Variants in TJAP1 observed in about 807,000 individuals in gnomAD.
TJAP1 encodes the protein tight junction-associated protein 1.
TJAP1 carries 27 observed loss-of-function variants against 42.0 expected under a neutral mutation model. The observed-to-expected ratio is 0.64, with a 90% CI of 0.47 to 0.89. The LOEUF is 0.89. Ranked by LOEUF, TJAP1 falls within the 40% of genes least tolerant of loss-of-function variation. The probability of loss-of-function intolerance (pLI) is 0.00; values close to 1 mark genes in which losing one functional copy is unlikely to be tolerated. For missense variants in TJAP1, 712 were observed against 726.9 expected, an observed-to-expected ratio of 0.98 and a Z score of 0.24; for synonymous variants, 257 against 288.4, an observed-to-expected ratio of 0.89 and a Z score of 1.10.
chr6:43,496,868 T>TG (rs1367898395), intron 2 of TJAP1: 1 of 152,196 alleles, frequency 6.6e-6, no homozygotes. Flanking sequence ...TAATTACAGG[T>TG]GGGGGCCAGG....
intron 2 of TJAP1, among the ~76,000 whole-genome samples, chr6:43,483,216 G>C (rs1785678418): frequency 6.6e-6 from 1 of 152,128 alleles, no homozygotes; most frequent in South Asian, 2.1e-4. Flanking sequence ...ATGCCAAAAG[G>C]CTCCTTATAC....
At chr6:43,481,335 A>G (rs1785258265) in intron 2 of TJAP1, among the ~76,000 whole-genome samples, 1 of 152,104 alleles carries the variant, frequency 6.6e-6, no homozygotes, top group Non-Finnish European at 1.5e-5. Context: ...TACACTGAGC[A>G]CACCTTAAAG....
chr6:43,499,042 C>T (rs1294812197), exon 4 of TJAP1: 2 of 1,614,186 alleles, frequency 1.2e-6, no homozygotes, highest in Admixed American at 3.3e-5. Flanking sequence ...TACCGTAAGG[C>T]ACCACCAGAG....
chr6:43,504,748 T>C lies in TJAP1; in HGVS notation c.580-13T>C. 1 of 1,604,328 alleles carries C rather than the reference T, an allele frequency of 6.2e-7. No individual in the cohort carries two copies. The highest frequency in any genetic ancestry group is 8.5e-7 in the Non-Finnish European group (1 of 1,172,866). Reference sequence around the variant, plus strand: ...GATCATTGATGTCTCTCTTTCCTGCTCTTTTACCTCAGCTGCCCTGTGAGC... The same window carrying C: ...GATCATTGATGTCTCTCTTTCCTGCCCTTTTACCTCAGCTGCCCTGTGAGC... On this transcript the variant is annotated splice_polypyrimidine_tract_variant and intron_variant, in intron 10 of 10. Coordinates refer to ENST00000372449, the Ensembl canonical transcript of TJAP1.
At chr6:43,478,949 A>G (rs1784763145) in intron 2 of TJAP1, among the ~76,000 whole-genome samples, 2 of 152,238 alleles carry the variant, frequency 1.3e-5, no homozygotes, top group Non-Finnish European at 2.9e-5. Context: ...GATGCAAAGA[A>G]AGGATCATGG....
In TJAP1 at chr6:43,491,354, G is replaced by A. The variant is rs752135553; in HGVS notation, c.-121-6527G>A. On this transcript the variant is annotated intron_variant, in intron 2 of 10. Coordinates refer to ENST00000372449, the Ensembl canonical transcript of TJAP1. This position sits in a 1 kb window ranked among gnomAD's most constrained non-coding sequence, Gnocchi z 4.6. ...TGCCCAGGCTGGAGTGCAATGGCAC[G>A]ATCTCGGCTTTCTGCAACCTCCGCC... 2.0e-5 allele frequency among the ~76,000 whole-genome samples: 3 copies of A among 152,134 alleles called. No individual in the cohort carries two copies. Among genetic ancestry groups the A allele is most frequent in the Admixed American group, 6.5e-5 (1 of 15,284 alleles).
rs777327527 is a variant in TJAP1 at position 43,505,166 on chromosome 6, C to T, written c.985C>T (p.Arg329Cys). Residue 329 changes from arginine to cysteine, a missense_variant, in exon 11 of 11, where the codon CGC becomes TGC. Around this residue, in one of 3 missense-constraint regions of TJAP1, gnomAD observed 549 missense variants for 528.2 expected, o/e 1.04. Transcript: ENST00000372449. The surrounding 1 kb of genome is among the most constrained non-coding windows in gnomAD (Gnocchi z 5.5). ...TCCACCACACCCACTGTATCCTGGC[C>T]GCAGGGTAATAGAGTTCTCTGAGGA... 1.4e-5 allele frequency: 22 copies of T among 1,614,076 alleles called. No homozygotes were observed. The highest frequency in any genetic ancestry group is 1.6e-4 in the Middle Eastern group (1 of 6,084).
In TJAP1 at chr6:43,479,196, C is replaced by T. The variant is rs368826398; in HGVS notation, c.-122+964C>T. Reference sequence around the variant, plus strand: ...GTTGGGAGTAGCCTTCTTATTGAAGCCTGCTTCAGGATCAGCATCGCTTCA... The same window carrying T: ...GTTGGGAGTAGCCTTCTTATTGAAGTCTGCTTCAGGATCAGCATCGCTTCA... On this transcript the variant is annotated intron_variant, in intron 2 of 10. Coordinates refer to ENST00000372449, the Ensembl canonical transcript of TJAP1. Among the ~76,000 whole-genome samples, 174 of 152,274 alleles carry T rather than the reference C, an allele frequency of 1.1e-3. No individual in the cohort carries two copies. The South Asian group carries it at 0.014, about 12-fold the overall frequency.
intron 4 of TJAP1, 171 bp downstream of exon 4, chr6:43,499,271 G>C (rs1582061285): frequency 1.1e-6 from 1 of 902,050 alleles, no homozygotes; most frequent in East Asian, 2.7e-5. Context: ...GGGTAATGTA[G>C]GCTCAAGGGG....
chr6:43,504,201 G>A (rs187050307), intron 10 of TJAP1: 3 of 231,366 alleles, frequency 1.3e-5, no homozygotes, highest in Non-Finnish European at 2.6e-5. Flanking sequence ...TGCAACCTCC[G>A]CCTCCCGGCT....
In TJAP1 at chr6:43,502,624, T is replaced by C. The variant is rs1484269345; in HGVS notation, c.387+7T>C. ...CCACAGCTGGATTTTTGCAGTTGCG[T>C]CTGAGTTTGTGTGTCTTCTCCCTTG... is the stretch of plus-strand genomic sequence containing the variant. On this transcript the variant is annotated splice_region_variant and intron_variant, in intron 8 of 10. Transcript: ENST00000372449. The C allele has an allele frequency of 1.1e-5, 17 of 1,551,742 alleles. No homozygotes were observed. Among genetic ancestry groups the C allele is most frequent in the Non-Finnish European group, 1.5e-5 (17 of 1,146,994 alleles).
At chr6:43,486,260 C>T (rs184750566) in intron 2 of TJAP1, among the ~76,000 whole-genome samples, 205 of 151,650 alleles carry the variant, frequency 1.4e-3, no homozygotes, top group African/African-American at 4.8e-3. Context: ...CCACCATGCT[C>T]GGCCAGACGG....
At chr6:43,501,962 A>C (rs1043020730) in intron 6 of TJAP1, among the ~76,000 whole-genome samples, 2 of 120,694 alleles carry the variant, frequency 1.7e-5, no homozygotes, top group African/African-American at 3.6e-5. Flanking sequence ...CTCTCCTTTC[A>C]TAGGAGGTTA....
chr6:43,489,086 G>A (rs536229721), intron 2 of TJAP1, among the ~76,000 whole-genome samples: 5 of 152,276 alleles, frequency 3.3e-5, no homozygotes, highest in South Asian at 2.1e-4. Flanking sequence ...CAGTGGGTGT[G>A]GATATATGTG....
rs533644946 is a variant in TJAP1, at chr6:43,505,269, T to C, written c.1088T>C (p.Val363Ala). The C allele has an allele frequency of 8.7e-6, 14 of 1,613,530 alleles. No homozygotes were observed. The East Asian group carries it at 2.0e-4, about 23-fold the overall frequency. Residue 363 changes from valine (V) to alanine (A), a missense_variant, in exon 11 of 11, where the codon GTA (valine) becomes GCA (alanine). This residue lies in a region of TJAP1 where 549 missense variants were observed against 528.2 expected (regional missense o/e 1.04). Transcript: ENST00000372449. The surrounding 1 kb of genome is among the most constrained non-coding windows in gnomAD (Gnocchi z 5.5). ...CGCCAGGCCATTTCCCTGAGCCTGGTAGAGGAGGGGAGTGAGCGGGCCCGC... is the reference window on the plus strand; with the variant it reads ...CGCCAGGCCATTTCCCTGAGCCTGGCAGAGGAGGGGAGTGAGCGGGCCCGC...
At chr6:43,482,137 G>A (rs1785462246) in intron 2 of TJAP1, among the ~76,000 whole-genome samples, 1 of 152,226 alleles carries the variant, frequency 6.6e-6, no homozygotes, top group South Asian at 2.1e-4. Context: ...CAGTCAGCGT[G>A]CTGAAACGTG....
At chr6:43,501,765 C>CA in intron 6 of TJAP1, 78 bp downstream of exon 6, 1 of 657,824 alleles carries the variant, frequency 1.5e-6, no homozygotes. Context: ...CACACTCTCT[C>CA]TGTCTCTCTC....
chr6:43,500,086 GA>G (rs1429559586), intron 4 of TJAP1, among the ~76,000 whole-genome samples: 1 of 152,196 alleles, frequency 6.6e-6, no homozygotes, highest in Non-Finnish European at 1.5e-5. Flanking sequence ...GTTCCACATA[GA>G]ATAGGCCCCT....
chr6:43,493,299 C>T (rs1028189877), intron 2 of TJAP1, among the ~76,000 whole-genome samples: 1 of 152,136 alleles, frequency 6.6e-6, no homozygotes, highest in African/African-American at 2.4e-5. Context: ...AGAAAGGCTT[C>T]GTAGTAGGTT....
Sources: allele counts gnomAD v4.1 joint callset (sites outside exome capture counted in the v4.1 genomes callset), GRCh38; gene constraint gnomAD v4.1.1; regional missense constraint gnomAD v4.1.1; non-coding constraint Gnocchi (gnomAD v3.1); transcripts MANE v1.5; gene names NCBI Gene and HGNC (gene_info 2026-07-23, HGNC 2026-07-21).